POMT1: variants seen among roughly 807,000 people sequenced by gnomAD.
The protein encoded by POMT1 is protein O-mannosyl-transferase 1.
POMT1 carries 85 observed loss-of-function variants against 101.6 expected under a neutral mutation model. That is an observed-to-expected ratio of 0.84 (90% CI 0.70 to 1.00). The LOEUF is 1.00. POMT1 is among the 50% of genes least tolerant of loss of function. The pLI is 0.00. For synonymous variants in POMT1, 371 were observed against 383.0 expected (o/e 0.97, Z 0.37); for missense variants, 857 against 930.4 (o/e 0.92, Z 1.03).
Position 131,519,153 on chromosome 9 carries a change from C to T in POMT1, c.1486+196C>T, listed in dbSNP as rs978833462. On this transcript the variant is annotated intron_variant, in intron 15 of 19. Coordinates refer to ENST00000402686, the MANE Select transcript of POMT1 (RefSeq NM_001077365.2). The surrounding 1 kb of genome is among the most constrained non-coding windows in gnomAD (Gnocchi z 4.3). Reference sequence around the variant, plus strand: ...ACTCAAGACGCTTCTTCCGAGGTGTCGCTGGAAGGCAACCAGTTTATCCCC... The same window carrying T: ...ACTCAAGACGCTTCTTCCGAGGTGTTGCTGGAAGGCAACCAGTTTATCCCC... Among the ~76,000 whole-genome samples the T allele has an allele frequency of 1.3e-5, 2 of 152,192 alleles. No individual in the cohort carries two copies. The highest frequency in any genetic ancestry group is 2.9e-5 in the Non-Finnish European group (2 of 68,038).
At chr9:131,510,073 A>G in intron 8 of POMT1, 77 bp downstream of exon 8, 1 of 1,614,048 alleles carries the variant, frequency 6.2e-7, no homozygotes, top group Non-Finnish European at 8.5e-7. Flanking sequence ...GTACTTGGTG[A>G]AAAGACTCCA....
intron 2 of POMT1, 125 bp from the exon 3 acceptor site, chr9:131,505,988 AG>A (rs1945722301): frequency 7.6e-7 from 1 of 1,314,730 alleles, no homozygotes; most frequent in African/African-American, 1.5e-5. Flanking sequence ...TTGGGGCAAA[AG>A]ATCCAGCCTT....
In POMT1 at chr9:131,509,769, G is replaced by A; in HGVS notation, c.566G>A (p.Trp189Ter). 1 of 1,614,212 alleles carries A rather than the reference G, an allele frequency of 6.2e-7. No homozygotes were observed. The change falls in exon 7 of 20, where the codon TGG (tryptophan) becomes TAG (stop). Residue 189 changes from tryptophan (W) to a stop codon, truncating the protein, a stop_gained. Coordinates refer to ENST00000402686, the MANE Select transcript of POMT1 (RefSeq NM_001077365.2). LOFTEE classifies it high-confidence loss of function. ...CCTTTTTCTCTGAGCTGGTGGTTCT[G>A]GCTAACACTGACAGGGGTCGCTTGT... Reference protein sequence around the residue: ...HSPFSLSWWFWLTLTGVACSC... With the variant: ...HSPFSLSWWF
chr9:131,505,907 T>C (rs1043380307), intron 2 of POMT1, among the ~76,000 whole-genome samples: 1 of 152,150 alleles, frequency 6.6e-6, no homozygotes, highest in African/African-American at 2.4e-5. Context: ...CCAGCTGTGC[T>C]TGGTGAATTC....
At chr9:131,510,061 G>C (rs1946764098) in intron 8 of POMT1, 65 bp downstream of exon 8, 2 of 1,614,066 alleles carry the variant, frequency 1.2e-6, no homozygotes, top group East Asian at 4.5e-5. Flanking sequence ...ATGTCACAGG[G>C]GGTACTTGGT....
At position 131,518,938 on chromosome 9, in the gene POMT1, G is replaced by A. The variant is rs1949324072; in HGVS notation, c.1467G>A (p.Glu489=). Reference sequence around the variant, plus strand: ...ACGGGAGCACGGTGTGGAACGTGGAGGAGCACCGATACGGCGCGAGTGAGT... The same window carrying A: ...ACGGGAGCACGGTGTGGAACGTGGAAGAGCACCGATACGGCGCGAGTGAGT... The part of the protein sequence containing the change: ...GYHGSTVWNV[E]EHRYGASQEQ... The change falls in exon 15 of 20, where the codon GAG becomes GAA. Residue 489 remains glutamate (E), a synonymous_variant. Transcript: ENST00000402686. 1 of 1,613,740 alleles carries A rather than the reference G, an allele frequency of 6.2e-7. No homozygotes were observed. The highest frequency in any genetic ancestry group is 8.5e-7 in the Non-Finnish European group (1 of 1,180,044).
At chr9:131,511,648 C>T (rs1418592172) in intron 10 of POMT1, 181 bp downstream of exon 10, 2 of 813,336 alleles carry the variant, frequency 2.5e-6, no homozygotes, top group African/African-American at 1.7e-5. Flanking sequence ...AGGGACTTGG[C>T]GTGTGGCAGG....
At position 131,510,001 on chromosome 9, in the gene POMT1, G is replaced by A; in HGVS notation, c.699+5G>A. On this transcript the variant is annotated splice_donor_5th_base_variant and intron_variant, in intron 8 of 19. Coordinates refer to ENST00000402686, the MANE Select transcript of POMT1 (RefSeq NM_001077365.2). ...GGAGACCAGACTTTGTCCAATGTAG[G>A]TGCTGATGTCCAGTGCTGCATGAGG... is the stretch of plus-strand genomic sequence containing the variant. The A allele has an allele frequency of 6.2e-7, 1 of 1,614,228 alleles. No individual in the cohort carries two copies. Among genetic ancestry groups the A allele is most frequent in the South Asian group, 1.1e-5 (1 of 91,090 alleles).
chr9:131,512,107 T>C lies in POMT1; in HGVS notation c.1053T>C (p.Asn351=). 1 of 1,614,034 alleles carries C rather than the reference T, an allele frequency of 6.2e-7. No individual in the cohort carries two copies. The highest frequency in any genetic ancestry group is 8.5e-7 in the Non-Finnish European group (1 of 1,179,974). The change falls in exon 11 of 20, where the codon AAT becomes AAC. Residue 351 remains asparagine (N), a synonymous_variant. Transcript: ENST00000402686. The part of the protein sequence containing the change: ...QVTCYPFKDV[N]NWWIVKDPRR... ...CCTGTTACCCCTTCAAAGATGTCAA[T>C]AACTGGTGGATTGTAAAGGATCCCA...
chr9:131,504,279 G>A lies in POMT1; in HGVS notation c.61G>A (p.Ala21Thr), dbSNP rs1945232985. The change falls in exon 2 of 20, where the codon GCC becomes ACC. Residue 21 changes from alanine (A) to threonine (T), a missense_variant. Transcript: ENST00000402686. Reference protein sequence around the residue: ...VTADINLSLVALTGMGLLSRL... With the variant: ...VTADINLSLVTLTGMGLLSRL... ...GGCTGACATCAACTTGAGCCTTGTGGCCCTGACTGGGATGGGGTTACTGAG... is the reference window on the plus strand; with the variant it reads ...GGCTGACATCAACTTGAGCCTTGTGACCCTGACTGGGATGGGGTTACTGAG... 1 of 1,614,198 alleles carries A rather than the reference G, an allele frequency of 6.2e-7. No individual in the cohort carries two copies. The highest frequency in any genetic ancestry group is 2.2e-5 in the East Asian group (1 of 44,882).
intron 9 of POMT1, 117 bp from the exon 10 acceptor site, chr9:131,511,220 C>G: frequency 8.8e-7 from 1 of 1,137,326 alleles, no homozygotes; most frequent in Admixed American, 2.3e-5. Flanking sequence ...ACCACTGTTA[C>G]AAGAATGGCC....
chr9:131,522,317 AC>A lies in POMT1; in HGVS notation c.2003+96del. ...AAACACATGGGGTGCAGCGAACCTC[AC>A]CCATTTCACGTTACACTGACATCCT... On this transcript the variant is annotated intron_variant, in intron 19 of 19. Coordinates refer to ENST00000402686, the MANE Select transcript of POMT1 (RefSeq NM_001077365.2). The surrounding 1 kb of genome is among the most constrained non-coding windows in gnomAD (Gnocchi z 5.5). 13 of 1,577,058 alleles carry A rather than the reference AC, an allele frequency of 8.2e-6. No homozygotes were observed. Among genetic ancestry groups the A allele is most frequent in the Non-Finnish European group, 1.1e-5 (13 of 1,166,780 alleles).
rs1027905621 is a variant in POMT1, at chr9:131,507,573, C to T, written c.427+59C>T. 5 of 1,607,640 alleles carry T rather than the reference C, an allele frequency of 3.1e-6. No homozygotes were observed. In the African/African-American group the frequency reaches 6.7e-5, roughly 21 times the overall value. On this transcript the variant is annotated intron_variant, in intron 5 of 19. Coordinates refer to ENST00000402686, the MANE Select transcript of POMT1 (RefSeq NM_001077365.2). ...ATGCAGGGAAGAACTGACCCTTTGG[C>T]CCGGAAGATCACATGGGCTTGGTGG...
rs1407350343 is a variant in POMT1, at chr9:131,519,197, C to T, written c.1487-192C>T. On this transcript the variant is annotated intron_variant, in intron 15 of 19. Coordinates refer to ENST00000402686, the MANE Select transcript of POMT1 (RefSeq NM_001077365.2). This position sits in a 1 kb window ranked among gnomAD's most constrained non-coding sequence, Gnocchi z 4.3. ...TATCCCCGTGCAAGTGGAGCTTTCT[C>T]AGGGTCGAAATCACCTCATTTGACC... Among the ~76,000 whole-genome samples, 2 of 152,192 alleles carry T rather than the reference C, an allele frequency of 1.3e-5. No individual in the cohort carries two copies. Among genetic ancestry groups the T allele is most frequent in the African/African-American group, 4.8e-5 (2 of 41,442 alleles).
chr9:131,522,384 C>G lies in POMT1; in HGVS notation c.2003+160C>G. The stretch of plus-strand genomic sequence containing the variant: ...GAATGGGTGAGGTTCAGAAGAGATG[C>G]CCAGATGAGGCACTGCAGGAACCCA... On this transcript the variant is annotated intron_variant, in intron 19 of 19. Coordinates refer to ENST00000402686, the MANE Select transcript of POMT1 (RefSeq NM_001077365.2). The surrounding 1 kb of genome is among the most constrained non-coding windows in gnomAD (Gnocchi z 5.5). 1 of 1,402,974 alleles carries G rather than the reference C, an allele frequency of 7.1e-7. No individual in the cohort carries two copies. The highest frequency in any genetic ancestry group is 9.5e-7 in the Non-Finnish European group (1 of 1,049,248). 86.9% of individuals were successfully genotyped at this position (1,402,974 alleles called of 1,614,324 possible). A position where few individuals can be genotyped will look rare whatever the true frequency, so the allele number is the denominator to read the frequency against.
At chr9:131,507,070 GAAAAAAA>G (rs752320381) in intron 4 of POMT1, among the ~76,000 whole-genome samples, 9 of 133,012 alleles carry the variant, frequency 6.8e-5, no homozygotes, top group East Asian at 2.2e-4. Flanking sequence ...CCGTCTCAGA[GAAAAAAA>G]AAAAAAGAAA....
intron 13 of POMT1, among the ~76,000 whole-genome samples, chr9:131,517,600 A>C (rs188923341): frequency 6.6e-6 from 1 of 152,114 alleles, no homozygotes; most frequent in East Asian, 1.9e-4. Flanking sequence ...TTTTGTGCAG[A>C]GTGCGCCCCT....
intron 3 of POMT1, 80 bp downstream of exon 3, chr9:131,506,300 C>T: frequency 1.3e-6 from 2 of 1,567,048 alleles, no homozygotes; most frequent in Non-Finnish European, 1.8e-6. Flanking sequence ...TTCTTACAGG[C>T]AGAAACCAGG....
At position 131,523,056 on chromosome 9, in the gene POMT1, A is replaced by G. The variant is rs1950287687; in HGVS notation, c.2128A>G (p.Lys710Glu). Residue 710 changes from lysine to glutamate, a missense_variant, in exon 20 of 20, where the codon AAG becomes GAG. Transcript: ENST00000402686. ...GDKSLSPHEL[K>E]ALRWKDSWDI... ...CAAGTCACTCTCGCCACATGAACTC[A>G]AGGCCCTTCGCTGGAAAGACAGCTG... 2 of 1,611,180 alleles carry G rather than the reference A, an allele frequency of 1.2e-6. No individual in the cohort carries two copies. The highest frequency in any genetic ancestry group is 2.7e-5 in the African/African-American group (2 of 74,964).
Sources: gnomAD v4.1 joint callset for allele counts (sites outside exome capture counted in the v4.1 genomes callset) on GRCh38, gnomAD v4.1.1 for gene constraint, Gnocchi (gnomAD v3.1) non-coding constraint, MANE v1.5 for transcripts, NCBI Gene and HGNC (gene_info 2026-07-23, HGNC 2026-07-21) for gene names.